Variants in USP32 observed in about 807,000 individuals in gnomAD.
USP32 encodes ubiquitin carboxyl-terminal hydrolase 32.
USP32 carries 59 observed loss-of-function variants against 204.8 expected under a neutral mutation model. The observed-to-expected ratio is 0.29, with a 90% CI of 0.23 to 0.36. The LOEUF (loss-of-function observed/expected upper bound fraction) is 0.36, where lower values mean the gene tolerates loss of function less well. USP32 is among the 10% of genes least tolerant of loss of function. The probability of loss-of-function intolerance (pLI) is 1.00; values close to 1 mark genes in which losing one functional copy is unlikely to be tolerated. For synonymous variants in USP32, 517 were observed against 678.4 expected (o/e 0.76, Z 3.70); for missense variants, 1,160 against 1,946.4 (o/e 0.60, Z 7.60).
chr17:60,401,777 C>T (rs2089937471), intron 1 of USP32, among the ~76,000 whole-genome samples: 1 of 151,494 alleles, frequency 6.6e-6, no homozygotes, highest in Non-Finnish European at 1.5e-5. Context: ...TGAACTTCAG[C>T]CTGGTTGTCA....
chr17:60,420,179 G>C (rs2090098940), intron 1 of USP32, among the ~76,000 whole-genome samples: 1 of 150,240 alleles, frequency 6.7e-6, no homozygotes, highest in African/African-American at 2.5e-5. Flanking sequence ...GAGAGTTTTA[G>C]TAGAGGGTTT....
intron 28 of USP32, among the ~76,000 whole-genome samples, chr17:60,191,107 A>G (rs2084368064): frequency 1.3e-5 from 2 of 152,148 alleles, no homozygotes; most frequent in South Asian, 4.1e-4. Flanking sequence ...AAATGCATAT[A>G]AAAGTTTACA....
intron 9 of USP32, among the ~76,000 whole-genome samples, chr17:60,264,353 CAAA>C (rs1180644086): frequency 4.1e-5 from 3 of 73,256 alleles, no homozygotes. Context: ...CTGGTCTCTA[CAAA>C]AAAAAAAAAA....
At chr17:60,417,674 G>A (rs1337092194) in intron 1 of USP32, among the ~76,000 whole-genome samples, 3 of 151,342 alleles carry the variant, frequency 2.0e-5, no homozygotes, top group South Asian at 2.1e-4. Flanking sequence ...GGCTGGTCTC[G>A]AACTCCTGAC....
chr17:60,310,804 G>A (rs1161735488), intron 2 of USP32, among the ~76,000 whole-genome samples: 1 of 152,222 alleles, frequency 6.6e-6, no homozygotes, highest in African/African-American at 2.4e-5. Context: ...GGGAGGCCAA[G>A]GCAAGAGGAT....
chr17:60,378,700 A>G (rs1257574351), intron 1 of USP32, among the ~76,000 whole-genome samples: 1 of 152,190 alleles, frequency 6.6e-6, no homozygotes, highest in Non-Finnish European at 1.5e-5. Context: ...ATATTGTACG[A>G]TTCTATTTAC....
At chr17:60,200,191 T>G in intron 26 of USP32, among the ~76,000 whole-genome samples, 1 of 150,562 alleles carries the variant, frequency 6.6e-6, no homozygotes, top group Admixed American at 6.6e-5. Context: ...CAAGACTCTG[T>G]CTCAACCAAA....
At chr17:60,187,847 T>A (rs1011642187) in intron 29 of USP32, among the ~76,000 whole-genome samples, 4 of 152,200 alleles carry the variant, frequency 2.6e-5, no homozygotes, top group Non-Finnish European at 5.9e-5. Context: ...ATAGGCACCC[T>A]CTTCTTTTTC....
At chr17:60,343,868 C>G (rs536557964) in intron 2 of USP32, among the ~76,000 whole-genome samples, 2 of 152,128 alleles carry the variant, frequency 1.3e-5, no homozygotes, top group South Asian at 4.2e-4. Flanking sequence ...CTCGTCTCTA[C>G]TAAAAATACC....
intron 12 of USP32, among the ~76,000 whole-genome samples, chr17:60,231,893 G>A (rs1314148476): frequency 2.0e-5 from 3 of 152,172 alleles, no homozygotes; most frequent in Admixed American, 2.0e-4. Flanking sequence ...TCCATGAGCA[G>A]AGACACAATC....
intron 15 of USP32, among the ~76,000 whole-genome samples, chr17:60,221,830 T>C (rs532126622): frequency 6.6e-6 from 1 of 152,264 alleles, no homozygotes; most frequent in African/African-American, 2.4e-5. Context: ...CCAAAACATC[T>C]TGTTATATTT....
intron 27 of USP32, among the ~76,000 whole-genome samples, chr17:60,197,893 C>T (rs1374093507): frequency 1.3e-5 from 2 of 152,182 alleles, no homozygotes; most frequent in African/African-American, 4.8e-5. Flanking sequence ...TCAGAGTTCA[C>T]GTATGCAGTC....
At chr17:60,357,752 T>G (rs2146043186) in intron 1 of USP32, among the ~76,000 whole-genome samples, 1 of 152,154 alleles carries the variant, frequency 6.6e-6, no homozygotes, top group South Asian at 2.1e-4. Flanking sequence ...ATTCATATTC[T>G]CAAGCATTGG....
chr17:60,198,596 T>C lies in USP32; in HGVS notation c.3250-152A>G, dbSNP rs543847109. The stretch of plus-strand genomic sequence containing the variant: ...CTCTGTATTTATAAAACCATCTTTA[T>C]TGACACAAAGAGAACGGTTACAGTG... On this transcript the variant is annotated intron_variant, in intron 26 of 33. Coordinates refer to ENST00000300896, the MANE Select transcript of USP32 (RefSeq NM_032582.4). The C allele has an allele frequency of 1.4e-5, 15 of 1,062,284 alleles. No individual in the cohort carries two copies. In the South Asian group the frequency reaches 1.4e-4, roughly 10 times the overall value. 65.8% of individuals were successfully genotyped at this position (1,062,284 alleles called of 1,614,324 possible). A position where few individuals can be genotyped will look rare whatever the true frequency, so the allele number is the denominator to read the frequency against.
intron 2 of USP32, among the ~76,000 whole-genome samples, chr17:60,337,705 C>T (rs182678950): frequency 2.0e-5 from 3 of 152,034 alleles, no homozygotes; most frequent in East Asian, 1.9e-4. Flanking sequence ...GGTGAGACCC[C>T]GTCTCCACAA....
intron 1 of USP32, among the ~76,000 whole-genome samples, chr17:60,410,497 T>C (rs566471979): frequency 1.3e-5 from 2 of 151,818 alleles, no homozygotes; most frequent in South Asian, 4.2e-4. Flanking sequence ...TGAAACCCTG[T>C]CTCTACTAAA....
At chr17:60,239,819 C>G (rs113413455) in intron 11 of USP32, among the ~76,000 whole-genome samples, 5 of 152,150 alleles carry the variant, frequency 3.3e-5, no homozygotes, top group Admixed American at 2.6e-4. Flanking sequence ...CTACAACCTC[C>G]GCCTCCCGGG....
Position 60,225,952 on chromosome 17 carries a change from CAAAAAAAAA to C in USP32, c.1432+78_1432+86del, listed in dbSNP as rs11309727. The C allele has an allele frequency of 2.5e-5, 25 of 1,013,628 alleles. No individual in the cohort carries two copies. In the African/African-American group the frequency reaches 4.8e-4, roughly 19 times the overall value. The allele number at this position is 1,013,628 out of a possible 1,614,324, so 62.8% of individuals were successfully genotyped here. A position where few individuals can be genotyped will look rare whatever the true frequency, so the allele number is the denominator to read the frequency against. On this transcript the variant is annotated intron_variant, in intron 13 of 33. Coordinates refer to ENST00000300896, the MANE Select transcript of USP32 (RefSeq NM_032582.4). The stretch of plus-strand genomic sequence containing the variant: ...CTGGGCAAAATGTGAAACTCAGTCT[CAAAAAAAAA>C]AAAAAAAAAGAAAAGAAAAGAAAGA...
intron 2 of USP32, among the ~76,000 whole-genome samples, chr17:60,304,462 T>C (rs188420811): frequency 1.7e-4 from 26 of 152,104 alleles, no homozygotes; most frequent in Admixed American, 1.5e-3. Flanking sequence ...CCATTAGAGA[T>C]ACATGTACCT....
Sources: allele counts gnomAD v4.1 joint callset (sites outside exome capture counted in the v4.1 genomes callset), GRCh38; gene constraint gnomAD v4.1.1; transcripts MANE v1.5; gene names NCBI Gene and HGNC (gene_info 2026-07-23, HGNC 2026-07-21).